Variants in FGF14 observed in about 807,000 individuals in gnomAD.
The protein encoded by FGF14 is fibroblast growth factor homologous factor 4.
In FGF14, 5 loss-of-function variants were observed where a neutral mutation model predicts 25.5. The observed-to-expected ratio is 0.20, with a 90% CI of 0.10 to 0.41. FGF14 has a LOEUF of 0.41. Ranked by LOEUF, FGF14 falls within the 10% of genes least tolerant of loss-of-function variation. The pLI is 1.00. For missense variants in FGF14, 222 were observed against 320.1 expected, an observed-to-expected ratio of 0.69 and a Z score of 2.34; for synonymous variants, 138 against 118.3, an observed-to-expected ratio of 1.17 and a Z score of -1.08.
At chr13:101,914,823 G>A (rs981632764) in intron 1 of FGF14, among the ~76,000 whole-genome samples, 6 of 152,186 alleles carry the variant, frequency 3.9e-5, no homozygotes, top group Admixed American at 6.5e-5. Context: ...CAGCCAATTT[G>A]GAGCTGTATG....
At chr13:101,887,932 A>G (rs990932522) in intron 1 of FGF14, among the ~76,000 whole-genome samples, 4 of 152,230 alleles carry the variant, frequency 2.6e-5, no homozygotes, top group African/African-American at 9.6e-5. Flanking sequence ...TGGTCATTTT[A>G]ATCCAGGTGG....
At chr13:101,762,366 A>C (rs2038083806) in intron 3 of FGF14, among the ~76,000 whole-genome samples, 1 of 152,212 alleles carries the variant, frequency 6.6e-6, no homozygotes, top group South Asian at 2.1e-4. Context: ...CAACCTTCGG[A>C]CCGAGTTTAA....
chr13:101,810,157 G>A (rs1327952127), intron 3 of FGF14, among the ~76,000 whole-genome samples: 3 of 152,146 alleles, frequency 2.0e-5, no homozygotes, highest in Non-Finnish European at 4.4e-5. Flanking sequence ...AAAACCATTA[G>A]TAGGAGGGGT....
At chr13:101,752,606 T>G (rs1927711) in intron 3 of FGF14, among the ~76,000 whole-genome samples, 147,896 of 152,306 alleles carry the variant, frequency 0.97, 71,947 homozygotes, top group East Asian at 1. Flanking sequence ...CCAAACTGCA[T>G]TGGCTTACGC....
intron 1 of FGF14, among the ~76,000 whole-genome samples, chr13:102,063,025 T>C (rs536634629): frequency 4.6e-5 from 7 of 152,212 alleles, no homozygotes; most frequent in Non-Finnish European, 8.8e-5. Flanking sequence ...TTTGTTGCTG[T>C]TGCACTATAG....
At chr13:101,876,312 C>T (rs571068216) in intron 1 of FGF14, among the ~76,000 whole-genome samples, 1 of 152,304 alleles carries the variant, frequency 6.6e-6, no homozygotes, top group South Asian at 2.1e-4. Context: ...CAACTGGCAT[C>T]TCTCCACAAC....
intron 1 of FGF14, among the ~76,000 whole-genome samples, chr13:101,894,403 G>A (rs1336586544): frequency 6.6e-6 from 1 of 152,066 alleles, no homozygotes; most frequent in Non-Finnish European, 1.5e-5. Context: ...GCAGTAGATA[G>A]CATCTCAGGA....
intron 1 of FGF14, among the ~76,000 whole-genome samples, chr13:102,364,144 T>C (rs2139055866): frequency 6.6e-6 from 1 of 152,358 alleles, no homozygotes; most frequent in African/African-American, 2.4e-5. Context: ...GATTTTACAC[T>C]AAACTTTTTA....
intron 3 of FGF14, among the ~76,000 whole-genome samples, chr13:101,760,144 A>G (rs1285854124): frequency 1.3e-5 from 2 of 152,190 alleles, no homozygotes; most frequent in Non-Finnish European, 2.9e-5. Flanking sequence ...CCTTAGATGG[A>G]ACTATTTTTG....
At chr13:101,826,617 T>C (rs958925567) in intron 3 of FGF14, among the ~76,000 whole-genome samples, 1 of 152,076 alleles carries the variant, frequency 6.6e-6, no homozygotes, top group Non-Finnish European at 1.5e-5. Context: ...TAGAAATGTC[T>C]TATATTCTTA....
At chr13:101,760,667 G>T (rs988283112) in intron 3 of FGF14, among the ~76,000 whole-genome samples, 1 of 152,176 alleles carries the variant, frequency 6.6e-6, no homozygotes, top group African/African-American at 2.4e-5. Context: ...ATGGTAACAA[G>T]TGCTTACTGA....
chr13:101,981,128 C>CAA (rs2038232567), intron 1 of FGF14, among the ~76,000 whole-genome samples: 1 of 143,856 alleles, frequency 7.0e-6, no homozygotes, highest in African/African-American at 2.6e-5. Context: ...CACACACACA[C>CAA]AATTAGCCAG....
chr13:101,794,214 C>T (rs1401304517), intron 3 of FGF14, among the ~76,000 whole-genome samples: 2 of 151,956 alleles, frequency 1.3e-5, no homozygotes, highest in Non-Finnish European at 2.9e-5. Flanking sequence ...TCTTTCCTGC[C>T]AGTAACTACT....
At chr13:102,334,593 T>C (rs1209558785) in intron 1 of FGF14, among the ~76,000 whole-genome samples, 1 of 152,186 alleles carries the variant, frequency 6.6e-6, no homozygotes, top group East Asian at 1.9e-4. Flanking sequence ...ATTTATGATC[T>C]ATTACAAAGA....
intron 2 of FGF14, among the ~76,000 whole-genome samples, chr13:101,871,568 T>C (rs532588757): frequency 3.2e-4 from 49 of 152,092 alleles, no homozygotes; most frequent in Admixed American, 2.7e-3. Flanking sequence ...AACATTACCA[T>C]AGTTAATAGT....
intron 3 of FGF14, among the ~76,000 whole-genome samples, chr13:101,752,614 C>T (rs996621566): frequency 3.3e-5 from 5 of 152,160 alleles, no homozygotes; most frequent in Non-Finnish European, 4.4e-5. Context: ...CATTGGCTTA[C>T]GCAGTGGAAA....
At chr13:102,308,534 T>C (rs1394833683) in intron 1 of FGF14, among the ~76,000 whole-genome samples, 1 of 152,170 alleles carries the variant, frequency 6.6e-6, no homozygotes, top group African/African-American at 2.4e-5. Context: ...GATCAACTTC[T>C]TATAATGTTC....
intron 1 of FGF14, among the ~76,000 whole-genome samples, chr13:102,310,696 T>TGTGGGGGGG (rs1269681335): frequency 2.9e-4 from 1 of 3,472 alleles, no homozygotes; most frequent in Non-Finnish European, 5.2e-4. Context: ...TGTGTGTGTG[T>TGTGGGGGGG]GGGGGGGGGG....
intron 1 of FGF14, among the ~76,000 whole-genome samples, chr13:101,952,663 C>G (rs1466974464): frequency 1.3e-5 from 2 of 152,120 alleles, no homozygotes; most frequent in Non-Finnish European, 2.9e-5. Context: ...ATCAAAGAAA[C>G]CTGGCACCAA....
Sources: gnomAD v4.1 joint callset for allele counts (sites outside exome capture counted in the v4.1 genomes callset) on GRCh38, gnomAD v4.1.1 for gene constraint, MANE v1.5 for transcripts, NCBI Gene and HGNC (gene_info 2026-07-23, HGNC 2026-07-21) for gene names.